The following CHRNA1 variants were observed in gnomAD, a reference collection of about 807,000 sequenced individuals.
The protein encoded by CHRNA1 is cholinergic receptor nicotinic alpha 1 subunit, also known as acetylcholine receptor subunit alpha.
Under a neutral mutation model 47.1 loss-of-function variants are expected in CHRNA1, and 35 were observed. That is an observed-to-expected ratio of 0.74 (90% CI 0.57 to 0.99). CHRNA1 has a LOEUF of 0.99. CHRNA1 is among the 50% of genes least tolerant of loss of function. The pLI is 0.00. For synonymous variants in CHRNA1, 229 were observed against 223.6 expected (o/e 1.02, Z -0.22); for missense variants, 506 against 591.1 (o/e 0.86, Z 1.49).
At chr2:174,753,797 C>A in intron 5 of CHRNA1, 57 bp from the exon 6 acceptor site, 1 of 1,534,626 alleles carries the variant, frequency 6.5e-7, no homozygotes, top group Non-Finnish European at 9.0e-7. Context: ...TGAGGGGCAG[C>A]GTTTTGTAAT....
Position 174,754,310 on chromosome 2 carries a change from A to C in CHRNA1, c.449T>G (p.Ile150Ser), listed in dbSNP as rs1040313532. The C allele has an allele frequency of 1.2e-6, 2 of 1,614,078 alleles. No homozygotes were observed. Among genetic ancestry groups the C allele is most frequent in the Admixed American group, 1.7e-5 (1 of 60,010 alleles). The change falls in exon 5 of 9, where the codon ATC (isoleucine) becomes AGC (serine). Residue 150 changes from isoleucine to serine, a missense_variant. Ile to Ser is a moderately radical substitution (Grantham distance 142, BLOSUM62 -2). Coordinates refer to ENST00000348749, the MANE Select transcript of CHRNA1 (RefSeq NM_000079.4). ...ATCAAAGGGAAAGTGGGTGACGATG[A>C]TCTCACAGTAGCTTTTAAAGATGGC... Reference protein sequence around the residue: ...PPAIFKSYCEIIVTHFPFDEQ... With the variant: ...PPAIFKSYCESIVTHFPFDEQ...
chr2:174,753,365 C>T (rs1360456458), intron 6 of CHRNA1, 138 bp downstream of exon 6: 1 of 910,266 alleles, frequency 1.1e-6, no homozygotes, highest in East Asian at 2.4e-5. Context: ...CACGCCCACT[C>T]AGCAAATGCA....
rs578152961 is a variant in CHRNA1 at position 174,757,053 on chromosome 2, G to A, written c.344+513C>T. On this transcript the variant is annotated intron_variant, in intron 4 of 8. Coordinates refer to ENST00000348749, the MANE Select transcript of CHRNA1 (RefSeq NM_000079.4). ...TCCCAGGCCAACAGCAGCAGTGGAT[G>A]TCGAGAAGGTGTTCAGGATGTGATG... Among the ~76,000 whole-genome samples, 104 of 152,310 alleles carry A rather than the reference G, an allele frequency of 6.8e-4. No individual in the cohort carries two copies. The South Asian group carries it at 6.8e-3, about 10-fold the overall frequency.
At chr2:174,759,673 C>T in intron 1 of CHRNA1, 40 bp from the exon 2 acceptor site, 1 of 1,608,488 alleles carries the variant, frequency 6.2e-7, no homozygotes, top group Non-Finnish European at 8.5e-7. Context: ...AGATTCTTCT[C>T]CCCACCCTCC....
intron 1 of CHRNA1, among the ~76,000 whole-genome samples, chr2:174,762,691 C>T (rs1684121773): frequency 6.6e-6 from 1 of 152,160 alleles, no homozygotes; most frequent in Non-Finnish European, 1.5e-5. Context: ...ATGAAAAGTG[C>T]TGTATAAATA....
chr2:174,748,510 A>T, intron 8 of CHRNA1, 70 bp downstream of exon 8: 1 of 1,567,068 alleles, frequency 6.4e-7, no homozygotes, highest in Non-Finnish European at 8.7e-7. Context: ...GTTAAGTCAG[A>T]CTCACCACCT....
At chr2:174,754,882 CTTTTTTTT>C (rs34233623) in intron 4 of CHRNA1, among the ~76,000 whole-genome samples, 1 of 120,414 alleles carries the variant, frequency 8.3e-6, no homozygotes, top group African/African-American at 3.5e-5. Flanking sequence ...GCCTACTACT[CTTTTTTTT>C]TTTTTTTTTT....
At position 174,759,540 on chromosome 2, in the gene CHRNA1, C is replaced by T. The variant is rs149851833; in HGVS notation, c.137G>A (p.Arg46His). The T allele has an allele frequency of 2.9e-5, 47 of 1,613,952 alleles. No individual in the cohort carries two copies. Among genetic ancestry groups the T allele is most frequent in the Non-Finnish European group, 3.6e-5 (42 of 1,180,022 alleles). Residue 46 changes from arginine (R) to histidine (H), a missense_variant, in exon 2 of 9, where the codon CGC (arginine) becomes CAC (histidine). Transcript: ENST00000348749. Reference protein sequence around the residue: ...SSVVRPVEDHRQVVEVTVGLQ... With the variant: ...SSVVRPVEDHHQVVEVTVGLQ... ...GCCCACGGTGACCTCCACGACCTGG[C>T]GGTGGTCTTCCACTGGCCGCACCAC...
rs143252724 is a variant in CHRNA1, at chr2:174,753,576, G to A, written c.705C>T (p.Ile235=). ...GCAGGCAGGGGATGATGACGTTGAC[G>A]ATGAAGTAGAGGGGCAGGCGCTGCA... ...FVMQRLPLYF[I]VNVIIPCLLF... The change falls in exon 6 of 9, where the codon ATC becomes ATT. Residue 235 remains isoleucine (I), a synonymous_variant. Coordinates refer to ENST00000348749, the MANE Select transcript of CHRNA1 (RefSeq NM_000079.4). The A allele has an allele frequency of 1.1e-5, 17 of 1,614,184 alleles. No homozygotes were observed. In the South Asian group the frequency reaches 1.3e-4, roughly 13 times the overall value.
At chr2:174,759,752 A>G (rs1684064254) in intron 1 of CHRNA1, 119 bp from the exon 2 acceptor site, 4 of 1,327,044 alleles carry the variant, frequency 3.0e-6, no homozygotes, top group African/African-American at 2.9e-5. Flanking sequence ...GAAGGCACAC[A>G]GGCCTCCTTG....
Position 174,748,637 on chromosome 2 carries a change from G to C in CHRNA1, c.1185C>G (p.Ala395=). ...CTGCGATGTACTTGATGCCCTCGAT[G>C]GCACTTTTCACCTCGGGGTGTTTGA... The part of the protein sequence containing the change: ...PLIKHPEVKS[A]IEGIKYIAET... Residue 395 remains alanine (A), a synonymous_variant, in exon 8 of 9, where the codon GCC becomes GCG. Coordinates refer to ENST00000348749, the MANE Select transcript of CHRNA1 (RefSeq NM_000079.4). 1 of 1,614,168 alleles carries C rather than the reference G, an allele frequency of 6.2e-7. No homozygotes were observed. Among genetic ancestry groups the C allele is most frequent in the Non-Finnish European group, 8.5e-7 (1 of 1,180,008 alleles).
In CHRNA1 at chr2:174,757,657, G is replaced by T; in HGVS notation, c.253C>A (p.Leu85Ile). Reference protein sequence around the residue: ...RLKQQWVDYNLKWNPDDYGGV... With the variant: ...RLKQQWVDYNIKWNPDDYGGV... ...CCATAGTCATCTGGATTCCATTTTA[G>T]GTTGTAATCCACCCATTGCTAGAAA... Residue 85 changes from leucine to isoleucine, a missense_variant, in exon 4 of 9, where the codon CTA (leucine) becomes ATA (isoleucine). Leu to Ile is a conservative substitution (Grantham distance 5). Coordinates refer to ENST00000348749, the MANE Select transcript of CHRNA1 (RefSeq NM_000079.4). 1 of 1,613,978 alleles carries T rather than the reference G, an allele frequency of 6.2e-7. No individual in the cohort carries two copies. Among genetic ancestry groups the T allele is most frequent in the Non-Finnish European group, 8.5e-7 (1 of 1,179,900 alleles).
intron 7 of CHRNA1, among the ~76,000 whole-genome samples, chr2:174,749,361 C>T (rs1235934789): frequency 6.6e-6 from 1 of 152,222 alleles, no homozygotes; most frequent in Non-Finnish European, 1.5e-5. Flanking sequence ...TTGTCAATTC[C>T]TGACAAATAT....
Position 174,753,693 on chromosome 2 carries a change from C to T in CHRNA1, c.588G>A (p.Trp196Ter). The T allele has an allele frequency of 3.1e-6, 5 of 1,614,010 alleles. No individual in the cohort carries two copies. Among genetic ancestry groups the T allele is most frequent in the Non-Finnish European group, 4.2e-6 (5 of 1,180,000 alleles). ...DLSNFMESGEWVIKESRGWKH... is the reference protein window; with the variant it reads ...DLSNFMESGE ...TCCAGCCCCGGGACTCCTTGATCAC[C>T]CACTCCCCGCTCTCCATGAAGTTGC... Residue 196 changes from tryptophan (W) to a stop codon, truncating the protein, a stop_gained, in exon 6 of 9, where the codon TGG (tryptophan) becomes TGA (stop). Transcript: ENST00000348749. LOFTEE classifies it high-confidence loss of function.
At chr2:174,759,168 A>G (rs1020055210) in intron 3 of CHRNA1, among the ~76,000 whole-genome samples, 163 bp downstream of exon 3, 1 of 152,208 alleles carries the variant, frequency 6.6e-6, no homozygotes, top group Non-Finnish European at 1.5e-5. Context: ...TTTAAAAAAA[A>G]GCAAAACCAA....
intron 4 of CHRNA1, 53 bp downstream of exon 4, chr2:174,757,513 C>T (rs1222299614): frequency 2.9e-6 from 4 of 1,370,862 alleles, no homozygotes; most frequent in Admixed American, 1.7e-5. Flanking sequence ...TATTAGGGCA[C>T]TTTATTCCAC....
At chr2:174,755,177 G>T (rs1345525710) in intron 4 of CHRNA1, among the ~76,000 whole-genome samples, 3 of 152,068 alleles carry the variant, frequency 2.0e-5, no homozygotes, top group Admixed American at 6.6e-5. Flanking sequence ...GAGCCACCGT[G>T]CCTGACTGGC....
At chr2:174,761,606 C>T (rs923601126) in intron 1 of CHRNA1, among the ~76,000 whole-genome samples, 6 of 152,208 alleles carry the variant, frequency 3.9e-5, no homozygotes, top group Non-Finnish European at 7.3e-5. Flanking sequence ...AGAGCCACCT[C>T]ACCCGGCTAG....
At chr2:174,759,976 A>G (rs1026576228) in intron 1 of CHRNA1, among the ~76,000 whole-genome samples, 1 of 151,968 alleles carries the variant, frequency 6.6e-6, no homozygotes, top group Non-Finnish European at 1.5e-5. Flanking sequence ...AAAGCCCACA[A>G]AAAAGCCAAT....
Sources: allele counts gnomAD v4.1 joint callset (sites outside exome capture counted in the v4.1 genomes callset), GRCh38; gene constraint gnomAD v4.1.1; transcripts MANE v1.5; gene names NCBI Gene and HGNC (gene_info 2026-07-23, HGNC 2026-07-21).